The following DNA2 variants were observed in gnomAD, a reference collection of about 807,000 sequenced individuals.
The protein encoded by DNA2 is DNA replication helicase/nuclease 2, also known as DNA replication ATP-dependent helicase/nuclease DNA2.
Under a neutral mutation model 119.1 loss-of-function variants are expected in DNA2, and 101 were observed. The ratio of observed to expected loss-of-function variants is 0.85; its 90% CI spans 0.72 to 1.00. DNA2 has a LOEUF of 1.00. Ranked by LOEUF, DNA2 falls within the 50% of genes least tolerant of loss-of-function variation. DNA2 has a pLI of 0.00. For synonymous variants in DNA2, 366 were observed against 424.4 expected (o/e 0.86, Z 1.69); for missense variants, 1,121 against 1,255.5 (o/e 0.89, Z 1.62).
intron 9 of DNA2, among the ~76,000 whole-genome samples, chr10:68,442,172 C>G (rs938841401): frequency 2.0e-5 from 3 of 151,804 alleles, no homozygotes; most frequent in African/African-American, 7.3e-5. Flanking sequence ...GCTTCGGCAT[C>G]CCAAAGTGCT....
chr10:68,464,842 A>C (rs1431206240), intron 4 of DNA2, among the ~76,000 whole-genome samples: 1 of 148,608 alleles, frequency 6.7e-6, no homozygotes, highest in Non-Finnish European at 1.5e-5. Context: ...AAAAAAAAAA[A>C]AAAAAAAAAA....
rs780076937 is a variant in DNA2 at position 68,471,915 on chromosome 10, G to A, written c.-51C>T. 2.5e-6 allele frequency: 4 copies of A among 1,613,834 alleles called. No homozygotes were observed. The highest frequency in any genetic ancestry group is 3.4e-6 in the Non-Finnish European group (4 of 1,179,746). ...AGACAGAAAAGACAGCGGAACCGGG[G>A]GTAACACAGAAAGCTTAGAAAAGGG... On this transcript the variant is annotated 5_prime_UTR_variant, in exon 1 of 21. Coordinates refer to ENST00000358410, the MANE Select transcript of DNA2 (RefSeq NM_001080449.3).
intron 10 of DNA2, among the ~76,000 whole-genome samples, chr10:68,435,452 T>TAC (rs200522204): frequency 1.3e-5 from 2 of 150,554 alleles, no homozygotes; most frequent in Non-Finnish European, 2.9e-5. Flanking sequence ...AGAATATACA[T>TAC]ACACATATAT....
intron 3 of DNA2, among the ~76,000 whole-genome samples, chr10:68,467,080 G>A (rs1378868207): frequency 2.6e-5 from 4 of 151,570 alleles, no homozygotes; most frequent in East Asian, 2.0e-4. Context: ...TGTTGGGTAC[G>A]ATCATCTCTT....
intron 9 of DNA2, among the ~76,000 whole-genome samples, chr10:68,439,509 C>G (rs2051938129): frequency 6.6e-6 from 1 of 151,954 alleles, no homozygotes; most frequent in East Asian, 1.9e-4. Flanking sequence ...CAAGACCATC[C>G]TGGCTAACAC....
In DNA2 at chr10:68,419,067, T is replaced by C. The variant is rs1165840232; in HGVS notation, c.2934A>G (p.Leu978=). The change falls in exon 19 of 21, where the codon CTA becomes CTG. Residue 978 remains leucine (L), a synonymous_variant. Coordinates refer to ENST00000358410, the MANE Select transcript of DNA2 (RefSeq NM_001080449.3). ...KYQGRDKSIV[L]VSFVRSNKDG... ...CCTTATTACTTCTAACAAAAGATAC[T>C]AGGACAATACTTTTGTCCCTTCCTT... 1 of 1,610,370 alleles carries C rather than the reference T, an allele frequency of 6.2e-7. No homozygotes were observed.
intron 19 of DNA2, among the ~76,000 whole-genome samples, chr10:68,417,319 A>T (rs1160322459): frequency 2.0e-5 from 3 of 148,082 alleles, no homozygotes; most frequent in Non-Finnish European, 4.4e-5. Flanking sequence ...TTTATTACGT[A>T]TATTTTAAAA....
intron 7 of DNA2, among the ~76,000 whole-genome samples, chr10:68,445,423 A>C (rs1056315543): frequency 2.6e-5 from 4 of 152,170 alleles, no homozygotes; most frequent in Non-Finnish European, 5.9e-5. Context: ...AGATCGCATC[A>C]TTGCACTCCA....
chr10:68,431,750 CAAAG>C (rs1466914375), intron 13 of DNA2, 108 bp downstream of exon 13: 2 of 677,814 alleles, frequency 3.0e-6, no homozygotes, highest in Non-Finnish European at 5.0e-6. Flanking sequence ...TCATTTGAAA[CAAAG>C]ACACTGAATT....
rs2051991333 is a variant in DNA2 at position 68,443,024 on chromosome 10, T to C, written c.1308A>G (p.Thr436=). 6.2e-7 allele frequency: 1 copy of C among 1,608,190 alleles called. No individual in the cohort carries two copies. Among genetic ancestry groups the C allele is most frequent in the South Asian group, 1.1e-5 (1 of 90,106 alleles). ...ACCAAAGGCTGAAATATTCTAAGTG[T>C]GTTTGCTTCAGATGCTGGGTTTCTT... ...IEEETQHLKQ[T]HLEYFSLWCL... The change falls in exon 9 of 21, where the codon ACA becomes ACG. Residue 436 remains threonine, a synonymous_variant. Transcript: ENST00000358410.
chr10:68,441,087 C>T lies in DNA2; in HGVS notation c.1415+1830G>A, dbSNP rs541842451. 2.8e-4 allele frequency among the ~76,000 whole-genome samples: 43 copies of T among 151,854 alleles called. 1 individual carries two copies. In the South Asian group the frequency reaches 8.3e-3, roughly 29 times the overall value. ...GTGGCTCGCAGCTGTAATACCAGCA[C>T]TTTGGGTGGTCAAGATGGGAGGATC... On this transcript the variant is annotated intron_variant, in intron 9 of 20. Transcript: ENST00000358410.
chr10:68,471,997 A>C, upstream of DNA2: 2 of 1,607,840 alleles, frequency 1.2e-6, no homozygotes, highest in Non-Finnish European at 1.7e-6. Context: ...GATGTCCCAA[A>C]TGACCTGCGC....
intron 10 of DNA2, among the ~76,000 whole-genome samples, chr10:68,435,063 T>A (rs74469301): frequency 6.6e-6 from 1 of 152,038 alleles, no homozygotes; most frequent in Non-Finnish European, 1.5e-5. Flanking sequence ...TTTTTTTTTT[T>A]CTTTAAGACA....
chr10:68,472,031 G>C, upstream of DNA2: 4 of 1,606,854 alleles, frequency 2.5e-6, no homozygotes, highest in Non-Finnish European at 3.4e-6. Flanking sequence ...CCGCGCCGGC[G>C]CGTTCCACGT....
chr10:68,434,848 C>T (rs2051867359), intron 10 of DNA2, among the ~76,000 whole-genome samples: 2 of 152,274 alleles, frequency 1.3e-5, no homozygotes, highest in African/African-American at 4.8e-5. Context: ...ACTAAGATTA[C>T]TGATCAGTAG....
In DNA2 at chr10:68,415,020, A is replaced by C; in HGVS notation, c.*19T>G. 6.5e-7 allele frequency: 1 copy of C among 1,541,104 alleles called. No individual in the cohort carries two copies. Among genetic ancestry groups the C allele is most frequent in the Non-Finnish European group, 8.8e-7 (1 of 1,130,700 alleles). On this transcript the variant is annotated 3_prime_UTR_variant, in exon 21 of 21. Coordinates refer to ENST00000358410, the MANE Select transcript of DNA2 (RefSeq NM_001080449.3). ...GAGGAGATACTGCCCTAGTATGAAA[A>C]GGCAAGGGAAATAGTGTTTTATTCT... is the stretch of plus-strand genomic sequence containing the variant.
chr10:68,419,772 A>G lies in DNA2; in HGVS notation c.2787+31T>C, dbSNP rs547291647. 3.1e-5 allele frequency: 46 copies of G among 1,505,950 alleles called. No individual in the cohort carries two copies. In the Admixed American group the frequency reaches 4.7e-4, roughly 15 times the overall value. 93.3% of individuals were successfully genotyped at this position (1,505,950 alleles called of 1,614,324 possible). A position where few individuals can be genotyped will look rare whatever the true frequency, so the allele number is the denominator to read the frequency against. Reference sequence around the variant, plus strand: ...TAACATTCTTTTATTCTGCACTTTAATATTTGCTAGCCTTGAAAATTCTAA... The same window carrying G: ...TAACATTCTTTTATTCTGCACTTTAGTATTTGCTAGCCTTGAAAATTCTAA... On this transcript the variant is annotated intron_variant, in intron 18 of 20. Transcript: ENST00000358410.
intron 19 of DNA2, among the ~76,000 whole-genome samples, chr10:68,417,954 C>G (rs1235913556): frequency 6.6e-6 from 1 of 152,104 alleles, no homozygotes; most frequent in Admixed American, 6.5e-5. Context: ...TTAGATTAGT[C>G]AAATTCAGAG....
chr10:68,472,152 C>T (rs1473112860), upstream of DNA2: 1 of 1,363,264 alleles, frequency 7.3e-7, no homozygotes, highest in Admixed American at 2.9e-5. Context: ...CTCCTGCCTT[C>T]TCTCTTGACA....
Sources: gnomAD v4.1 joint callset for allele counts (sites outside exome capture counted in the v4.1 genomes callset) on GRCh38, gnomAD v4.1.1 for gene constraint, MANE v1.5 for transcripts, NCBI Gene and HGNC (gene_info 2026-07-23, HGNC 2026-07-21) for gene names.